KCNQ3: variants seen among roughly 807,000 people sequenced by gnomAD.
KCNQ3 encodes potassium voltage-gated channel subfamily KQT member 3.
A neutral mutation model predicts 92.5 loss-of-function variants in KCNQ3; 30 were observed. That is an observed-to-expected ratio of 0.32 (90% CI 0.24 to 0.44). The LOEUF (loss-of-function observed/expected upper bound fraction) is 0.44. Ranked by LOEUF, KCNQ3 falls within the 20% of genes least tolerant of loss-of-function variation. KCNQ3 has a pLI of 1.00. For synonymous variants in KCNQ3, 450 were observed against 468.8 expected, an observed-to-expected ratio of 0.96 and a Z score of 0.52; for missense variants, 913 against 1,140.3, an observed-to-expected ratio of 0.80 and a Z score of 2.87.
intron 1 of KCNQ3, among the ~76,000 whole-genome samples, chr8:132,465,690 G>C (rs1041542955): frequency 7.2e-5 from 11 of 152,202 alleles, no homozygotes; most frequent in Non-Finnish European, 1.5e-4. Context: ...CTTGCAGTGA[G>C]CCGAGATTGC....
intron 9 of KCNQ3, among the ~76,000 whole-genome samples, chr8:132,158,321 C>A (rs1197121044): frequency 6.6e-6 from 1 of 152,178 alleles, no homozygotes; most frequent in Admixed American, 6.5e-5. Flanking sequence ...TGTTTGATTG[C>A]CAACATTGTT....
intron 1 of KCNQ3, among the ~76,000 whole-genome samples, chr8:132,456,638 C>G (rs185068852): frequency 6.6e-6 from 1 of 151,334 alleles, no homozygotes; most frequent in Non-Finnish European, 1.5e-5. Flanking sequence ...GATGGAGTCT[C>G]ACTCTGTCGC....
chr8:132,281,635 A>T (rs1409360714), intron 1 of KCNQ3, among the ~76,000 whole-genome samples: 1 of 152,008 alleles, frequency 6.6e-6, no homozygotes, highest in Non-Finnish European at 1.5e-5. Context: ...TTCCACATGG[A>T]CAACTATAAC....
At position 132,143,266 on chromosome 8, in the gene KCNQ3, C is replaced by T. The variant is rs571784868; in HGVS notation, c.1263-1935G>A. Among the ~76,000 whole-genome samples, 7 of 152,088 alleles carry T rather than the reference C, an allele frequency of 4.6e-5. No individual in the cohort carries two copies. In the East Asian group the frequency reaches 1.4e-3, roughly 29 times the overall value. ...TTTGGAATTGCTTTCCTGGCTGCTA[C>T]TAGATAAATGACTAATAGGACAGAG... On this transcript the variant is annotated intron_variant, in intron 9 of 14. Transcript: ENST00000388996.
At chr8:132,175,066 C>T (rs890049649) in intron 5 of KCNQ3, among the ~76,000 whole-genome samples, 2 of 152,204 alleles carry the variant, frequency 1.3e-5, no homozygotes, top group Non-Finnish European at 2.9e-5. Flanking sequence ...TGAATGCCAG[C>T]TTTAGTACTG....
intron 9 of KCNQ3, among the ~76,000 whole-genome samples, chr8:132,143,637 T>C (rs1251686156): frequency 4.6e-5 from 7 of 152,138 alleles, no homozygotes; most frequent in Non-Finnish European, 1.0e-4. Flanking sequence ...TTCATAGATG[T>C]TTAAGGGTTA....
intron 4 of KCNQ3, 126 bp downstream of exon 4, chr8:132,180,031 T>G: frequency 2.8e-6 from 3 of 1,070,334 alleles, no homozygotes; most frequent in Non-Finnish European, 4.2e-6. Flanking sequence ...CTCTTCCTCT[T>G]TGTCGTTATC....
chr8:132,280,823 C>T (rs755481551), intron 1 of KCNQ3, among the ~76,000 whole-genome samples: 5 of 152,150 alleles, frequency 3.3e-5, no homozygotes, highest in Non-Finnish European at 7.4e-5. Context: ...TTTTTGTTTG[C>T]GATGTAGTTG....
chr8:132,441,990 T>C (rs764286605), intron 1 of KCNQ3, among the ~76,000 whole-genome samples: 1 of 152,116 alleles, frequency 6.6e-6, no homozygotes, highest in Non-Finnish European at 1.5e-5. Flanking sequence ...AAACAAATAC[T>C]GCATGTTCTC....
intron 1 of KCNQ3, among the ~76,000 whole-genome samples, chr8:132,354,215 G>A (rs1586951268): frequency 6.6e-6 from 1 of 152,196 alleles, no homozygotes; most frequent in Admixed American, 6.5e-5. Flanking sequence ...GCTCCTGTGT[G>A]CTCTCATGGG....
intron 1 of KCNQ3, among the ~76,000 whole-genome samples, chr8:132,277,623 ATT>A (rs893298712): frequency 3.9e-5 from 6 of 152,110 alleles, no homozygotes; most frequent in Non-Finnish European, 7.4e-5. Flanking sequence ...GTCAAAAGAT[ATT>A]TTTTTGTCAA....
At chr8:132,159,601 G>A (rs1475565110) in intron 9 of KCNQ3, among the ~76,000 whole-genome samples, 2 of 152,202 alleles carry the variant, frequency 1.3e-5, no homozygotes, top group African/African-American at 2.4e-5. Flanking sequence ...TGATTTTGGA[G>A]CTGTTAGTAT....
At chr8:132,364,932 C>A (rs905402544) in intron 1 of KCNQ3, among the ~76,000 whole-genome samples, 1 of 152,112 alleles carries the variant, frequency 6.6e-6, no homozygotes, top group Admixed American at 6.5e-5. Context: ...CTTTTACAGA[C>A]AAACTAAGCA....
chr8:132,161,648 A>G (rs1216165584), intron 9 of KCNQ3, among the ~76,000 whole-genome samples: 2 of 151,954 alleles, frequency 1.3e-5, no homozygotes, highest in Non-Finnish European at 2.9e-5. Flanking sequence ...ACAAAAAACA[A>G]AAAAGAAAAA....
rs937347480 is a variant in KCNQ3, at chr8:132,123,132, A to G, written c.*6130T>C. The G allele has an allele frequency of 2.6e-5, 4 of 152,220 alleles. No individual in the cohort carries two copies. Among genetic ancestry groups the G allele is most frequent in the Admixed American group, 6.5e-5 (1 of 15,286 alleles). The allele number at this position is 152,220 out of a possible 1,614,324, so 9.4% of individuals were successfully genotyped here. A position where few individuals can be genotyped will look rare whatever the true frequency, so the allele number is the denominator to read the frequency against. On this transcript the variant is annotated 3_prime_UTR_variant, in exon 15 of 15. Transcript: ENST00000388996. The stretch of plus-strand genomic sequence containing the variant: ...TGCCTGACTTCCTAAAATCAAAACC[A>G]TAGGGATTTATCAAGAAGAAACCCT...
chr8:132,180,734 T>G (rs1008299171), intron 3 of KCNQ3, among the ~76,000 whole-genome samples: 1 of 151,910 alleles, frequency 6.6e-6, no homozygotes, highest in African/African-American at 2.4e-5. Context: ...CATATGTGTT[T>G]CTCCTAAAAG....
At chr8:132,441,202 A>ATAGT (rs987805349) in intron 1 of KCNQ3, among the ~76,000 whole-genome samples, 7 of 152,338 alleles carry the variant, frequency 4.6e-5, no homozygotes, top group African/African-American at 1.7e-4. Flanking sequence ...ACTACTGTGA[A>ATAGT]TAGTGTTGCA....
intron 1 of KCNQ3, among the ~76,000 whole-genome samples, chr8:132,292,620 G>A (rs1357691047): frequency 6.6e-6 from 1 of 152,110 alleles, no homozygotes; most frequent in African/African-American, 2.4e-5. Flanking sequence ...TGGATACATG[G>A]ATATTCATCT....
intron 4 of KCNQ3, among the ~76,000 whole-genome samples, chr8:132,177,891 A>T: frequency 6.6e-6 from 1 of 152,206 alleles, no homozygotes; most frequent in East Asian, 1.9e-4. Context: ...GACTCACAAC[A>T]TGTACTTTGG....
Sources: allele counts gnomAD v4.1 joint callset (sites outside exome capture counted in the v4.1 genomes callset), GRCh38; gene constraint gnomAD v4.1.1; transcripts MANE v1.5; gene names NCBI Gene and HGNC (gene_info 2026-07-23, HGNC 2026-07-21).